The following CELF2 variants were observed in gnomAD, a reference collection of about 807,000 sequenced individuals.
The protein encoded by CELF2 is CUG triplet repeat RNA-binding protein 2.
In CELF2, 8 loss-of-function variants were observed where a neutral mutation model predicts 62.6. That is an observed-to-expected ratio of 0.13 (90% CI 0.07 to 0.23). The LOEUF is 0.23. Among genes scored for constraint, CELF2 ranks in the 10% least tolerant of loss-of-function variants. CELF2 has a pLI of 1.00. For synonymous variants in CELF2, 258 were observed against 250.0 expected, an observed-to-expected ratio of 1.03 and a Z score of -0.30; for missense variants, 333 against 671.0, an observed-to-expected ratio of 0.50 and a Z score of 5.56.
At position 11,321,393 on chromosome 10, in the gene CELF2, G is replaced by A; in HGVS notation, c.1294+7G>A. 1 of 1,601,142 alleles carries A rather than the reference G, an allele frequency of 6.2e-7. No homozygotes were observed. The highest frequency in any genetic ancestry group is 8.5e-7 in the Non-Finnish European group (1 of 1,179,158). On this transcript the variant is annotated splice_region_variant and intron_variant, in intron 11 of 12. Coordinates refer to ENST00000633077, the MANE Select transcript of CELF2 (RefSeq NM_001326342.2). The surrounding 1 kb of genome is among the most constrained non-coding windows in gnomAD (Gnocchi z 6.2). ...GCAGGCAGCCAGAAGGAAGGTAGGT[G>A]CCGCCCTTGGCCCCAGGCAGGGCCC...
chr10:10,726,049 T>C, the CELF2 span, among the ~76,000 whole-genome samples: 1 of 152,176 alleles, frequency 6.6e-6, no homozygotes, highest in African/African-American at 2.4e-5. Context: ...AGACCATTTG[T>C]CACAAGAAAG....
chr10:10,574,286 A>G, the CELF2 span, among the ~76,000 whole-genome samples: 1 of 152,226 alleles, frequency 6.6e-6, no homozygotes, highest in Non-Finnish European at 1.5e-5. Context: ...TAGGACTGTC[A>G]TCAGTAGGAC....
chr10:10,614,746 G>T, the CELF2 span, among the ~76,000 whole-genome samples: 2 of 152,250 alleles, frequency 1.3e-5, no homozygotes, highest in East Asian at 1.9e-4. Flanking sequence ...GGTTATCCAG[G>T]TTTACAAGCC....
In CELF2 at chr10:11,318,932, A is replaced by G; in HGVS notation, c.1097-2257A>G. 1 of 471,128 alleles carries G rather than the reference A, an allele frequency of 2.1e-6. No homozygotes were observed. The allele number at this position is 471,128 out of a possible 1,614,324, so 29.2% of individuals were successfully genotyped here. ...TGAAAACTCCCACCCGCAGCAGACAAGGCATCATGGTGGTGCGATGCTGCC... is the reference window on the plus strand; with the variant it reads ...TGAAAACTCCCACCCGCAGCAGACAGGGCATCATGGTGGTGCGATGCTGCC... On this transcript the variant is annotated intron_variant, in intron 10 of 12. Transcript: ENST00000633077. This position sits in a 1 kb window ranked among gnomAD's most constrained non-coding sequence, Gnocchi z 5.4.
intron 1 of CELF2, chr10:11,102,261 T>C (rs906138812): frequency 6.6e-6 from 1 of 152,234 alleles, no homozygotes; most frequent in African/African-American, 2.4e-5. Flanking sequence ...AAATAGGACT[T>C]CAGTGGATTT....
At chr10:10,703,536 T>A in the CELF2 span, among the ~76,000 whole-genome samples, 2,765 of 152,314 alleles carry the variant, frequency 0.018, 44 homozygotes, top group African/African-American at 0.043. Context: ...CAGCCCTTTC[T>A]ACTATCAATG....
chr10:11,289,565 G>A (rs2092155517), intron 9 of CELF2, among the ~76,000 whole-genome samples: 1 of 152,320 alleles, frequency 6.6e-6, no homozygotes, highest in Middle Eastern at 3.4e-3. Context: ...TCACCTGGGG[G>A]ATTGTTTCGA....
rs533654561 is a variant in CELF2 at position 10,966,335 on chromosome 10, T to A, written c.89+46336T>A. On this transcript the variant is annotated intron_variant, in intron 2 of 13. Coordinates refer to the CELF2 transcript ENST00000636488. ...AGCTGGGTCAATGAGTGTGGTACAGTGGAGCTGAAGAGCTCGGGGATAGCT... is the reference window on the plus strand; with the variant it reads ...AGCTGGGTCAATGAGTGTGGTACAGAGGAGCTGAAGAGCTCGGGGATAGCT... Among the ~76,000 whole-genome samples the A allele has an allele frequency of 1.3e-4, 20 of 152,350 alleles. No individual in the cohort carries two copies. In the South Asian group the frequency reaches 4.1e-3, roughly 32 times the overall value.
the CELF2 span, among the ~76,000 whole-genome samples, chr10:10,765,187 A>G: frequency 6.6e-6 from 1 of 152,064 alleles, no homozygotes; most frequent in African/African-American, 2.4e-5. Context: ...CCCATTTCCC[A>G]CTGGTCCCAT....
the CELF2 span, among the ~76,000 whole-genome samples, chr10:10,732,085 G>C: frequency 1.3e-5 from 2 of 152,090 alleles, no homozygotes; most frequent in Non-Finnish European, 2.9e-5. Context: ...CCTAACTCAT[G>C]ATGTAGCTTC....
chr10:10,672,062 G>C, the CELF2 span, among the ~76,000 whole-genome samples: 1 of 152,084 alleles, frequency 6.6e-6, no homozygotes, highest in Admixed American at 6.5e-5. Context: ...GTCTGTTCAG[G>C]CATTTGGCCC....
intron 1 of CELF2, among the ~76,000 whole-genome samples, chr10:11,136,032 G>C (rs1478953704): frequency 1.3e-5 from 2 of 152,174 alleles, no homozygotes; most frequent in Non-Finnish European, 1.5e-5. Flanking sequence ...CAGGCACTTG[G>C]CTAGATGGTG....
At chr10:10,640,847 G>T in the CELF2 span, among the ~76,000 whole-genome samples, 3 of 152,124 alleles carry the variant, frequency 2.0e-5, no homozygotes, top group African/African-American at 7.2e-5. Flanking sequence ...TCATCGCATG[G>T]CTGCATTGGC....
At chr10:10,626,013 A>G in the CELF2 span, among the ~76,000 whole-genome samples, 10 of 151,970 alleles carry the variant, frequency 6.6e-5, no homozygotes, top group East Asian at 5.8e-4. Context: ...TTCACCTGCC[A>G]CTTGCGGACT....
the CELF2 span, among the ~76,000 whole-genome samples, chr10:10,530,000 T>C: frequency 6.6e-6 from 1 of 152,190 alleles, no homozygotes; most frequent in Non-Finnish European, 1.5e-5. Context: ...AGATGGGAGA[T>C]GAGAGGTGTA....
In CELF2 at chr10:11,302,051, C is replaced by T. The variant is rs1175657445; in HGVS notation, c.977-12088C>T. On this transcript the variant is annotated intron_variant, in intron 9 of 12. Coordinates refer to ENST00000633077, the MANE Select transcript of CELF2 (RefSeq NM_001326342.2). This position sits in a 1 kb window ranked among gnomAD's most constrained non-coding sequence, Gnocchi z 5.0. Reference sequence around the variant, plus strand: ...GTGATTCTCATAGTTTCTAGGGAAACGGACAAGCAAATCCCTGCTCTTCAA... The same window carrying T: ...GTGATTCTCATAGTTTCTAGGGAAATGGACAAGCAAATCCCTGCTCTTCAA... 3.3e-5 allele frequency among the ~76,000 whole-genome samples: 5 copies of T among 152,326 alleles called. No individual in the cohort carries two copies. The highest frequency in any genetic ancestry group is 1.3e-4 in the Admixed American group (2 of 15,312).
chr10:10,574,207 G>T, the CELF2 span, among the ~76,000 whole-genome samples: 1 of 152,164 alleles, frequency 6.6e-6, no homozygotes. Context: ...GAAAGCCAAG[G>T]ACATTATCCC....
intron 1 of CELF2, among the ~76,000 whole-genome samples, chr10:11,050,224 C>T (rs529753512): frequency 3.2e-4 from 49 of 152,154 alleles, no homozygotes; most frequent in Admixed American, 1.2e-3. Flanking sequence ...ATTTGTGTCC[C>T]GAACTCTTTG....
chr10:10,756,705 C>G, the CELF2 span, among the ~76,000 whole-genome samples: 4 of 152,104 alleles, frequency 2.6e-5, no homozygotes, highest in African/African-American at 9.7e-5. Flanking sequence ...CTATTCACAT[C>G]TATTCACTCT....
Sources: gnomAD v4.1 joint callset for allele counts (sites outside exome capture counted in the v4.1 genomes callset) on GRCh38, gnomAD v4.1.1 for gene constraint, Gnocchi (gnomAD v3.1) non-coding constraint, MANE v1.5 for transcripts, NCBI Gene and HGNC (gene_info 2026-07-23, HGNC 2026-07-21) for gene names.